The following TRIP6 variants were observed in gnomAD, a reference collection of about 807,000 sequenced individuals.
TRIP6 encodes thyroid hormone receptor interactor 6, also known as thyroid receptor-interacting protein 6.
TRIP6 carries 33 observed loss-of-function variants against 51.9 expected under a neutral mutation model. That is an observed-to-expected ratio of 0.64 (90% CI 0.48 to 0.85). The LOEUF is 0.85. TRIP6 is among the 40% of genes least tolerant of loss of function. TRIP6 has a pLI of 0.00. For synonymous variants in TRIP6, 255 were observed against 275.8 expected, an observed-to-expected ratio of 0.92 and a Z score of 0.75; for missense variants, 661 against 652.1, an observed-to-expected ratio of 1.01 and a Z score of -0.15.
chr7:100,867,851 C>G lies in TRIP6; in HGVS notation c.110-10C>G. 1 of 1,541,712 alleles carries G rather than the reference C, an allele frequency of 6.5e-7. No homozygotes were observed. On this transcript the variant is annotated splice_polypyrimidine_tract_variant and intron_variant, in intron 1 of 8. Transcript: ENST00000200457. This position sits in a 1 kb window ranked among gnomAD's most constrained non-coding sequence, Gnocchi z 5.4. The stretch of plus-strand genomic sequence containing the variant: ...CCACCCCACCTTTGATTTCTCTTCC[C>G]TCAACCCAGCACTCCAGCCCCACCC...
rs201835823 is a variant in TRIP6 at position 100,868,906 on chromosome 7, A to G, written c.735+40A>G. 1.4e-4 allele frequency: 211 copies of G among 1,461,206 alleles called. 1 individual carries two copies. The African/African-American group carries it at 2.9e-3, about 20-fold the overall frequency. The allele number at this position is 1,461,206 out of a possible 1,614,324, so 90.5% of individuals were successfully genotyped here. On this transcript the variant is annotated intron_variant, in intron 4 of 8. Transcript: ENST00000200457. ...ACTGGGATTTCAGGCCCTACAGACA[A>G]TGGGACACCGACTGGGTGGGGTGGC...
Position 100,868,679 on chromosome 7 carries a change from C to A in TRIP6, c.548C>A (p.Pro183Gln), listed in dbSNP as rs1039741406. Reference protein sequence around the residue: ...KVAQPVRGCGPPRRGASQASG... With the variant: ...KVAQPVRGCGQPRRGASQASG... ...GCACAGCCAGTGAGGGGCTGCGGCC[C>A]ACCCAGGCGGGGAGCCTCTCAGGCC... The change falls in exon 4 of 9, where the codon CCA (proline) becomes CAA (glutamine). Residue 183 changes from proline to glutamine, a missense_variant. By Grantham distance (76) the Pro-to-Gln change is moderately conservative. Transcript: ENST00000200457. 6.2e-7 allele frequency: 1 copy of A among 1,604,040 alleles called. No individual in the cohort carries two copies. The highest frequency in any genetic ancestry group is 8.5e-7 in the Non-Finnish European group (1 of 1,175,008).
intron 4 of TRIP6, among the ~76,000 whole-genome samples, chr7:100,869,837 G>A (rs1355517033): frequency 6.7e-6 from 1 of 149,768 alleles, no homozygotes; most frequent in Non-Finnish European, 1.5e-5. Flanking sequence ...GAGGGGGATG[G>A]TTTCAGGATG....
At position 100,870,708 on chromosome 7, in the gene TRIP6, G is replaced by A. The variant is rs1187910144; in HGVS notation, c.964G>A (p.Val322Met). 11 of 1,613,988 alleles carry A rather than the reference G, an allele frequency of 6.8e-6. No homozygotes were observed. The highest frequency in any genetic ancestry group is 1.3e-5 in the African/African-American group (1 of 74,926). Reference sequence around the variant, plus strand: ...GCTTCGCGGCCAGCATTTCTACGCCGTGGAGAGGAGGGCATATTGCGAGGG... The same window carrying A: ...GCTTCGCGGCCAGCATTTCTACGCCATGGAGAGGAGGGCATATTGCGAGGG... ...AQLRGQHFYA[V>M]ERRAYCEGCY... The change falls in exon 6 of 9, where the codon GTG becomes ATG. Residue 322 changes from valine to methionine, a missense_variant. Physicochemically the swap from Val to Met is conservative, Grantham distance 21. Coordinates refer to ENST00000200457, the MANE Select transcript of TRIP6 (RefSeq NM_003302.3).
rs139848707 is a variant in TRIP6, at chr7:100,871,654, G to A, written c.1111G>A (p.Gly371Ser). 143 of 1,614,034 alleles carry A rather than the reference G, an allele frequency of 8.9e-5. No individual in the cohort carries two copies. The African/African-American group carries it at 9.9e-4, about 11-fold the overall frequency. The stretch of plus-strand genomic sequence containing the variant: ...CTTCACCTGCGTGGTGTGTCACCGC[G>A]GCCTCGACGGCATCCCCTTCACAGT... ...GCFTCVVCHR[G>S]LDGIPFTVDA... The change falls in exon 7 of 9, where the codon GGC (glycine) becomes AGC (serine). Residue 371 changes from glycine (G) to serine (S), a missense_variant. Coordinates refer to ENST00000200457, the MANE Select transcript of TRIP6 (RefSeq NM_003302.3).
Position 100,873,453 on chromosome 7 carries a change from C to A in TRIP6, c.*150C>A. 2.5e-6 allele frequency: 3 copies of A among 1,209,498 alleles called. No individual in the cohort carries two copies. Among genetic ancestry groups the A allele is most frequent in the Non-Finnish European group, 3.3e-6 (3 of 896,252 alleles). The allele number at this position is 1,209,498 out of a possible 1,614,324, so 74.9% of individuals were successfully genotyped here. ...ATAATAATCCCTCGAGTTTACAAAA[C>A]ACTTCCAAGTCTGTTGTCTCATCTG... On this transcript the variant is annotated 3_prime_UTR_variant, in exon 9 of 9. Transcript: ENST00000200457.
chr7:100,871,799 C>G, intron 7 of TRIP6, 78 bp downstream of exon 7: 2 of 1,522,984 alleles, frequency 1.3e-6, no homozygotes, highest in South Asian at 2.4e-5. Context: ...CCAGGACTGT[C>G]TCTTCCTGTT....
chr7:100,872,318 C>T (rs1815292833), intron 7 of TRIP6, among the ~76,000 whole-genome samples: 1 of 151,752 alleles, frequency 6.6e-6, no homozygotes, highest in African/African-American at 2.4e-5. Context: ...CAGGCGTAAG[C>T]CACTGCACCC....
rs774605322 is a variant in TRIP6 at position 100,870,420 on chromosome 7, G to A, written c.786G>A (p.Lys262=). 3 of 1,613,190 alleles carry A rather than the reference G, an allele frequency of 1.9e-6. No individual in the cohort carries two copies. Among genetic ancestry groups the A allele is most frequent in the Non-Finnish European group, 2.5e-6 (3 of 1,180,024 alleles). The stretch of plus-strand genomic sequence containing the variant: ...ATGAGCTGGATAGGCTGACGAAGAA[G>A]CTGGTTCACGACATGAACCACCCGC... The part of the protein sequence containing the change: ...PEDELDRLTK[K]LVHDMNHPPS... Residue 262 remains lysine, a synonymous_variant, in exon 5 of 9, where the codon AAG becomes AAA. Transcript: ENST00000200457.
rs1584720972 is a variant in TRIP6 at position 100,873,387 on chromosome 7, CTT to C, written c.*86_*87del. ...CTCTCCCTGACATCCACCTGTATGACTTTGTCACCAAATGCTGTCTTCTCTTT... is the reference window on the plus strand; with the variant it reads ...CTCTCCCTGACATCCACCTGTATGACTGTCACCAAATGCTGTCTTCTCTTT... On this transcript the variant is annotated 3_prime_UTR_variant, in exon 9 of 9. Coordinates refer to ENST00000200457, the MANE Select transcript of TRIP6 (RefSeq NM_003302.3). 3.3e-6 allele frequency: 5 copies of C among 1,499,834 alleles called. No homozygotes were observed. The highest frequency in any genetic ancestry group is 4.4e-6 in the Non-Finnish European group (5 of 1,123,992). The allele number at this position is 1,499,834 out of a possible 1,614,324, so 92.9% of individuals were successfully genotyped here. A position where few individuals can be genotyped will look rare whatever the true frequency, so the allele number is the denominator to read the frequency against.
intron 6 of TRIP6, 117 bp from the exon 7 acceptor site, chr7:100,871,426 A>G: frequency 2.1e-6 from 2 of 971,290 alleles, no homozygotes; most frequent in Non-Finnish European, 2.9e-6. Context: ...ACCGAATCAC[A>G]TGCAGGAGGC....
Position 100,871,740 on chromosome 7 carries a change from C to G in TRIP6, c.1178+19C>G, listed in dbSNP as rs763400764. 6.8e-6 allele frequency: 11 copies of G among 1,609,644 alleles called. No homozygotes were observed. The South Asian group carries it at 1.1e-4, about 16-fold the overall frequency. ...TTCACAGGTCAGGCCTGGCCTCCAC[C>G]TTGTCTCACAATGTCTGACCTTTCC... On this transcript the variant is annotated intron_variant, in intron 7 of 8. Transcript: ENST00000200457.
chr7:100,872,704 C>T lies in TRIP6; in HGVS notation c.1259C>T (p.Ala420Val), dbSNP rs199910260. The T allele has an allele frequency of 2.5e-5, 41 of 1,614,150 alleles. No homozygotes were observed. The East Asian group carries it at 8.9e-4, about 35-fold the overall frequency. ...PGQEETVRIV[A>V]LDRSFHIGCY... Reference sequence around the variant, plus strand: ...CAGGAGGAGACTGTGAGAATTGTTGCTCTGGATCGAAGTTTTCACATTGGC... The same window carrying T: ...CAGGAGGAGACTGTGAGAATTGTTGTTCTGGATCGAAGTTTTCACATTGGC... Residue 420 changes from alanine (A) to valine (V), a missense_variant, in exon 8 of 9, where the codon GCT becomes GTT. Physicochemically the swap from Ala to Val is moderately conservative, Grantham distance 64. Coordinates refer to ENST00000200457, the MANE Select transcript of TRIP6 (RefSeq NM_003302.3).
chr7:100,868,284 TCAGACC>T, intron 3 of TRIP6, 51 bp downstream of exon 3: 1 of 1,586,914 alleles, frequency 6.3e-7, no homozygotes, highest in Non-Finnish European at 8.6e-7. Context: ...CTCTGGACTC[TCAGACC>T]CAGCCTGATC....
chr7:100,867,570 C>T lies in TRIP6; in HGVS notation c.73C>T (p.Arg25Cys), dbSNP rs748281530. 19 of 1,539,768 alleles carry T rather than the reference C, an allele frequency of 1.2e-5. No homozygotes were observed. Among genetic ancestry groups the T allele is most frequent in the African/African-American group, 1.4e-5 (1 of 72,816 alleles). Reference protein sequence around the residue: ...ARAPQGRAIPRGTPGPPPAHG... With the variant: ...ARAPQGRAIPCGTPGPPPAHG... ...AGCCCCTCAGGGGAGGGCGATCCCC[C>T]GCGGCACCCCGGGGCCACCACCGGC... is the stretch of plus-strand genomic sequence containing the variant. Residue 25 changes from arginine (R) to cysteine (C), a missense_variant, in exon 1 of 9, where the codon CGC (arginine) becomes TGC (cysteine). Coordinates refer to ENST00000200457, the MANE Select transcript of TRIP6 (RefSeq NM_003302.3). This position sits in a 1 kb window ranked among gnomAD's most constrained non-coding sequence, Gnocchi z 5.4.
rs765710540 is a variant in TRIP6, at chr7:100,868,729, T to G, written c.598T>G (p.Phe200Val). 2.6e-6 allele frequency: 4 copies of G among 1,565,506 alleles called. No homozygotes were observed. Among genetic ancestry groups the G allele is most frequent in the Middle Eastern group, 2.0e-4 (1 of 4,892 alleles). ...CTCTGGGCCCCTCCCGGGCCCCCAC[T>G]TTCCTCTCCCAGGCCGAGGTGAAGT... ...QASGPLPGPH[F>V]PLPGRGEVWG... Residue 200 changes from phenylalanine to valine, a missense_variant, in exon 4 of 9, where the codon TTT (phenylalanine) becomes GTT (valine). Physicochemically the swap from Phe to Val is conservative, Grantham distance 50. Coordinates refer to ENST00000200457, the MANE Select transcript of TRIP6 (RefSeq NM_003302.3).
rs1010220171 is a variant in TRIP6 at position 100,870,788 on chromosome 7, G to A, written c.999+45G>A. Reference sequence around the variant, plus strand: ...AGGAGGGAGTCAGTGGCTGGATGCAGGGGGCTTCCATCCAAGGTGGTAACT... The same window carrying A: ...AGGAGGGAGTCAGTGGCTGGATGCAAGGGGCTTCCATCCAAGGTGGTAACT... On this transcript the variant is annotated intron_variant, in intron 6 of 8. Transcript: ENST00000200457. The A allele has an allele frequency of 4.4e-6, 7 of 1,578,082 alleles. No individual in the cohort carries two copies. The African/African-American group carries it at 9.4e-5, about 21-fold the overall frequency.
In TRIP6 at chr7:100,867,614, A is replaced by T; in HGVS notation, c.109+8A>T. 1 of 1,542,484 alleles carries T rather than the reference A, an allele frequency of 6.5e-7. No individual in the cohort carries two copies. The highest frequency in any genetic ancestry group is 8.7e-7 in the Non-Finnish European group (1 of 1,148,264). On this transcript the variant is annotated splice_region_variant and intron_variant, in intron 1 of 8. Transcript: ENST00000200457. This position sits in a 1 kb window ranked among gnomAD's most constrained non-coding sequence, Gnocchi z 5.4. ...CACCGGCCCACGGAGCAGGTAAGGCAGCCCTTGTGAGACAGAAGAGCCACC... is the reference window on the plus strand; with the variant it reads ...CACCGGCCCACGGAGCAGGTAAGGCTGCCCTTGTGAGACAGAAGAGCCACC...
In TRIP6 at chr7:100,867,423, G is replaced by A; in HGVS notation, c.-75G>A. 2.7e-6 allele frequency: 3 copies of A among 1,103,598 alleles called. No individual in the cohort carries two copies. The highest frequency in any genetic ancestry group is 3.7e-6 in the Non-Finnish European group (3 of 811,660). The allele number at this position is 1,103,598 out of a possible 1,614,324, so 68.4% of individuals were successfully genotyped here. A position where few individuals can be genotyped will look rare whatever the true frequency, so the allele number is the denominator to read the frequency against. On this transcript the variant is annotated 5_prime_UTR_variant, in exon 1 of 9. Coordinates refer to ENST00000200457, the MANE Select transcript of TRIP6 (RefSeq NM_003302.3). The surrounding 1 kb of genome is among the most constrained non-coding windows in gnomAD (Gnocchi z 5.4). ...TCTTTTCTGGAGTCCCAAACGAGGT[G>A]CGGGACGGAAGAGGGGGTGAAGGCC... is the stretch of plus-strand genomic sequence containing the variant.
Sources: allele counts gnomAD v4.1 joint callset (sites outside exome capture counted in the v4.1 genomes callset), GRCh38; gene constraint gnomAD v4.1.1; non-coding constraint Gnocchi (gnomAD v3.1); transcripts MANE v1.5; gene names NCBI Gene and HGNC (gene_info 2026-07-23, HGNC 2026-07-21).